MAN2A1: variants seen among roughly 807,000 people sequenced by gnomAD.
MAN2A1 encodes the protein mannosidase alpha class 2A member 1.
In MAN2A1, 76 loss-of-function variants were observed where a neutral mutation model predicts 142.6. The ratio of observed to expected loss-of-function variants is 0.53; its 90% confidence interval spans 0.44 to 0.65. MAN2A1 has a LOEUF of 0.65. MAN2A1 is among the 30% of genes least tolerant of loss of function. MAN2A1 has a pLI of 0.00. For synonymous variants in MAN2A1, 559 were observed against 473.2 expected (o/e 1.18, Z -2.35); for missense variants, 1,311 against 1,365.1 (o/e 0.96, Z 0.62).
At chr5:109,853,207 T>G (rs1049831036) in intron 19 of MAN2A1, among the ~76,000 whole-genome samples, 1 of 152,182 alleles carries the variant, frequency 6.6e-6, no homozygotes, top group African/African-American at 2.4e-5. Context: ...GAGCTCTGTT[T>G]TCTCTATAAG....
At chr5:109,750,485 A>G (rs563897015) in intron 4 of MAN2A1, among the ~76,000 whole-genome samples, 1 of 152,108 alleles carries the variant, frequency 6.6e-6, no homozygotes, top group Non-Finnish European at 1.5e-5. Context: ...GTATCATACT[A>G]TTACAATATG....
chr5:109,845,417 C>T (rs1755321272), intron 17 of MAN2A1, among the ~76,000 whole-genome samples: 1 of 151,932 alleles, frequency 6.6e-6, no homozygotes, highest in Admixed American at 6.6e-5. Flanking sequence ...GGTGCAGAGA[C>T]CTGTGGTATT....
chr5:109,721,517 T>G (rs1025275212), intron 3 of MAN2A1, among the ~76,000 whole-genome samples: 3 of 152,180 alleles, frequency 2.0e-5, no homozygotes, highest in African/African-American at 7.2e-5. Flanking sequence ...TACTAAACAT[T>G]TATTTGTTGT....
chr5:109,784,006 T>C (rs888936932), intron 9 of MAN2A1, among the ~76,000 whole-genome samples: 2 of 151,984 alleles, frequency 1.3e-5, no homozygotes, highest in African/African-American at 4.8e-5. Flanking sequence ...GTTAGGACTA[T>C]AGGTGCATGT....
chr5:109,736,184 AACAC>A (rs753023346), intron 4 of MAN2A1, among the ~76,000 whole-genome samples: 10 of 151,984 alleles, frequency 6.6e-5, no homozygotes, highest in Non-Finnish European at 1.5e-4. Context: ...TGCATGCATA[AACAC>A]ACACACACAG....
At chr5:109,846,036 T>C (rs765626591) in intron 18 of MAN2A1, 30 bp downstream of exon 18, 10 of 1,569,058 alleles carry the variant, frequency 6.4e-6, no homozygotes, top group South Asian at 4.7e-5. Context: ...TTTTCCACTC[T>C]GAAAGGTTTC....
intron 19 of MAN2A1, chr5:109,854,518 A>T (rs907371552): frequency 5.3e-5 from 8 of 152,192 alleles, no homozygotes; most frequent in Non-Finnish European, 7.4e-5. Flanking sequence ...GCAATGATTT[A>T]CCAAGTTGAA....
intron 12 of MAN2A1, among the ~76,000 whole-genome samples, chr5:109,797,135 G>T (rs1226773200): frequency 6.6e-6 from 1 of 152,146 alleles, no homozygotes; most frequent in African/African-American, 2.4e-5. Flanking sequence ...GTGATTGAAA[G>T]GTTGTCATAG....
rs78257934 is a variant in MAN2A1 at position 109,705,603 on chromosome 5, A to G, written c.136-7917A>G. Among the ~76,000 whole-genome samples the G allele has an allele frequency of 5.4e-3, 815 of 152,262 alleles. 53 individuals carry two copies. The East Asian group carries it at 0.13, about 24-fold the overall frequency. ...AAGCTTTATTTTTGTAGGGCCAACTATTTGCTAAGTATATTAGTTTCTTAT... is the reference window on the plus strand; with the variant it reads ...AAGCTTTATTTTTGTAGGGCCAACTGTTTGCTAAGTATATTAGTTTCTTAT... On this transcript the variant is annotated intron_variant, in intron 1 of 21. Transcript: ENST00000261483.
chr5:109,773,974 G>C (rs1319470397), intron 7 of MAN2A1, among the ~76,000 whole-genome samples: 1 of 152,036 alleles, frequency 6.6e-6, no homozygotes, highest in Non-Finnish European at 1.5e-5. Flanking sequence ...CAAGCCCTTT[G>C]TCTTAGTTTG....
intron 1 of MAN2A1, among the ~76,000 whole-genome samples, chr5:109,692,538 C>T (rs1750701221): frequency 1.3e-5 from 2 of 152,012 alleles, no homozygotes; most frequent in South Asian, 2.1e-4. Flanking sequence ...GGCGAGGGGA[C>T]TGAGGCACTG....
chr5:109,750,104 T>G (rs1269891287), intron 4 of MAN2A1, among the ~76,000 whole-genome samples: 3 of 152,108 alleles, frequency 2.0e-5, no homozygotes, highest in Non-Finnish European at 2.9e-5. Flanking sequence ...GTTTTGTAGT[T>G]ATCACTAAAT....
intron 3 of MAN2A1, among the ~76,000 whole-genome samples, chr5:109,722,659 G>A (rs1047982624): frequency 6.6e-5 from 10 of 152,054 alleles, no homozygotes; most frequent in African/African-American, 1.2e-4. Context: ...CAAGTGATCC[G>A]TCCGCCTTGG....
intron 3 of MAN2A1, among the ~76,000 whole-genome samples, chr5:109,726,909 T>G (rs546662819): frequency 5.3e-5 from 8 of 152,320 alleles, no homozygotes; most frequent in South Asian, 2.1e-4. Flanking sequence ...AAAGATATCA[T>G]GTGATATCTT....
chr5:109,789,061 A>G lies in MAN2A1; in HGVS notation c.1875+13A>G, dbSNP rs773693543. On this transcript the variant is annotated intron_variant, in intron 11 of 21. Coordinates refer to ENST00000261483, the MANE Select transcript of MAN2A1 (RefSeq NM_002372.4). ...CTTCCTGGAGATGGTTAGTAATTTC[A>G]TCTATGGTCATCATAAAAATGTGTA... 28 of 1,266,530 alleles carry G rather than the reference A, an allele frequency of 2.2e-5. No individual in the cohort carries two copies. The highest frequency in any genetic ancestry group is 3.2e-5 in the Non-Finnish European group (28 of 881,202). The allele number at this position is 1,266,530 out of a possible 1,614,324, so 78.5% of individuals were successfully genotyped here.
intron 12 of MAN2A1, among the ~76,000 whole-genome samples, chr5:109,792,638 C>T (rs757021759): frequency 5.3e-5 from 8 of 152,058 alleles, no homozygotes; most frequent in Non-Finnish European, 8.8e-5. Context: ...ATATTTCCCA[C>T]GTTTTTGTAG....
At chr5:109,809,822 T>G (rs1754270048) in intron 12 of MAN2A1, among the ~76,000 whole-genome samples, 1 of 151,820 alleles carries the variant, frequency 6.6e-6, no homozygotes, top group Non-Finnish European at 1.5e-5. Context: ...TGTGCTATTT[T>G]CTCTTTTATT....
chr5:109,822,557 T>G (rs1433385361), intron 15 of MAN2A1, among the ~76,000 whole-genome samples: 2 of 152,138 alleles, frequency 1.3e-5, no homozygotes, highest in Non-Finnish European at 2.9e-5. Flanking sequence ...CCTCCCTCAC[T>G]TTCTAGCTAT....
At chr5:109,824,223 G>A (rs1580290581) in intron 16 of MAN2A1, among the ~76,000 whole-genome samples, 2 of 152,150 alleles carry the variant, frequency 1.3e-5, no homozygotes, top group Non-Finnish European at 1.5e-5. Flanking sequence ...AATATAGCCT[G>A]TATCACTGGA....
Sources: allele counts gnomAD v4.1 joint callset (sites outside exome capture counted in the v4.1 genomes callset), GRCh38; gene constraint gnomAD v4.1.1; transcripts MANE v1.5; gene names NCBI Gene and HGNC (gene_info 2026-07-23, HGNC 2026-07-21).